NAALADL2: variants seen among roughly 807,000 people sequenced by gnomAD.
NAALADL2 encodes inactive N-acetylated-alpha-linked acidic dipeptidase-like protein 2.
Under a neutral mutation model 87.2 loss-of-function variants are expected in NAALADL2, and 76 were observed. The observed-to-expected ratio is 0.87, with a 90% confidence interval of 0.72 to 1.05. The LOEUF is 1.05. Among genes scored for constraint, NAALADL2 ranks in the 50% least tolerant of loss-of-function variants. The probability of loss-of-function intolerance (pLI) is 0.00; values close to 1 mark genes in which losing one functional copy is unlikely to be tolerated. For missense variants in NAALADL2, 1,089 were observed against 945.8 expected (o/e 1.15, Z -1.99); for synonymous variants, 354 against 331.0 (o/e 1.07, Z -0.75).
chr3:174,916,492 A>G (rs1734412630), intron 1 of NAALADL2, among the ~76,000 whole-genome samples: 1 of 152,160 alleles, frequency 6.6e-6, no homozygotes, highest in African/African-American at 2.4e-5. Context: ...ATGAGTGGAT[A>G]TGGAAAATGT....
intron 3 of NAALADL2, among the ~76,000 whole-genome samples, chr3:174,843,232 G>A (rs966322251): frequency 6.6e-6 from 1 of 151,798 alleles, no homozygotes; most frequent in African/African-American, 2.4e-5. Context: ...TGTACTATCT[G>A]ATCAATCTCT....
chr3:175,057,282 C>A (rs867606405), intron 1 of NAALADL2, among the ~76,000 whole-genome samples: 1 of 152,174 alleles, frequency 6.6e-6, no homozygotes, highest in African/African-American at 2.4e-5. Context: ...ATCAACCTGA[C>A]AAACGTGCCT....
At chr3:175,217,847 T>C (rs1053501252) in intron 2 of NAALADL2, among the ~76,000 whole-genome samples, 3 of 152,152 alleles carry the variant, frequency 2.0e-5, no homozygotes, top group Admixed American at 6.6e-5. Context: ...TTTGTCTTCA[T>C]TGGGGTTTGT....
intron 2 of NAALADL2, among the ~76,000 whole-genome samples, chr3:175,129,249 A>C (rs1009080085): frequency 6.6e-6 from 1 of 152,064 alleles, no homozygotes; most frequent in Non-Finnish European, 1.5e-5. Flanking sequence ...CCTGCCACCA[A>C]AGTCGAATTA....
chr3:175,705,965 AT>A (rs1167923502), intron 11 of NAALADL2, among the ~76,000 whole-genome samples: 5 of 152,158 alleles, frequency 3.3e-5, no homozygotes, highest in African/African-American at 4.8e-5. Flanking sequence ...AGGAAGTAAC[AT>A]GGCATTTTCG....
In NAALADL2 at chr3:174,738,321, C is replaced by T. The variant is rs1320013013; in HGVS notation, c.-9+575C>T. ...AAGGCACAAAATAATAACATAGAAC[C>T]AAGAGCTGAGACATTTGAGCAGAGC... On this transcript the variant is annotated intron_variant, in intron 3 of 3. Transcript: ENST00000434257. Among the ~76,000 whole-genome samples the T allele has an allele frequency of 1.3e-5, 2 of 152,218 alleles. 1 individual carries two copies. The highest frequency in any genetic ancestry group is 2.9e-5 in the Non-Finnish European group (2 of 68,020).
In NAALADL2 at chr3:175,125,344, G is replaced by A. The variant is rs547150515; in HGVS notation, c.545+28053G>A. 1.4e-4 allele frequency among the ~76,000 whole-genome samples: 22 copies of A among 151,960 alleles called. 1 individual carries two copies. In the South Asian group the frequency reaches 4.6e-3, roughly 32 times the overall value. ...AAGCTACTGGAGAATGTTAAGCAAAGGAGTGACATGATCCAAATTAGGTTT... is the reference window on the plus strand; with the variant it reads ...AAGCTACTGGAGAATGTTAAGCAAAAGAGTGACATGATCCAAATTAGGTTT... On this transcript the variant is annotated intron_variant, in intron 2 of 13. Coordinates refer to ENST00000454872, the MANE Select transcript of NAALADL2 (RefSeq NM_207015.3).
At chr3:175,153,219 G>A (rs963454277) in intron 2 of NAALADL2, among the ~76,000 whole-genome samples, 3 of 152,102 alleles carry the variant, frequency 2.0e-5, no homozygotes, top group African/African-American at 7.2e-5. Context: ...ATGGTGTCTA[G>A]CCTTTCCAGC....
chr3:175,695,012 C>T (rs1737553832), intron 11 of NAALADL2, among the ~76,000 whole-genome samples: 2 of 151,366 alleles, frequency 1.3e-5, no homozygotes, highest in Non-Finnish European at 2.9e-5. Context: ...ACTTTCTGTG[C>T]CTTGCATGTT....
At chr3:175,721,321 TAAAG>T (rs1187363318) in intron 11 of NAALADL2, among the ~76,000 whole-genome samples, 5 of 152,026 alleles carry the variant, frequency 3.3e-5, no homozygotes, top group South Asian at 2.1e-4. Flanking sequence ...GAAAAGGAAG[TAAAG>T]AAAGCTCATT....
At chr3:175,252,454 G>A (rs1749224707) in intron 3 of NAALADL2, among the ~76,000 whole-genome samples, 1 of 152,056 alleles carries the variant, frequency 6.6e-6, no homozygotes, top group Non-Finnish European at 1.5e-5. Context: ...AATTCTGACT[G>A]CTGTACCCAC....
At chr3:174,592,856 G>T (rs374584250) in intron 2 of NAALADL2, among the ~76,000 whole-genome samples, 4 of 151,864 alleles carry the variant, frequency 2.6e-5, no homozygotes, top group East Asian at 1.9e-4. Flanking sequence ...TTTAGCAACA[G>T]ATTTGAATTT....
chr3:175,360,977 T>C (rs780957793), intron 5 of NAALADL2, among the ~76,000 whole-genome samples: 9 of 151,960 alleles, frequency 5.9e-5, no homozygotes, highest in Non-Finnish European at 1.3e-4. Flanking sequence ...CATTAACTCA[T>C]CATTTACATC....
At chr3:174,545,429 T>A (rs1192316495) in intron 1 of NAALADL2, among the ~76,000 whole-genome samples, 1 of 152,190 alleles carries the variant, frequency 6.6e-6, no homozygotes, top group East Asian at 1.9e-4. Flanking sequence ...TTTTTTGACT[T>A]CTTACATGCC....
intron 1 of NAALADL2, among the ~76,000 whole-genome samples, chr3:174,524,301 C>T (rs1286553310): frequency 2.0e-5 from 3 of 151,950 alleles, no homozygotes; most frequent in Non-Finnish European, 2.9e-5. Context: ...ATTTATGTAG[C>T]GCATTGGGGA....
intron 3 of NAALADL2, among the ~76,000 whole-genome samples, chr3:174,822,383 T>C (rs894802488): frequency 6.6e-6 from 1 of 152,184 alleles, no homozygotes. Flanking sequence ...TGGAATTTTA[T>C]GGGAAATCAT....
intron 2 of NAALADL2, among the ~76,000 whole-genome samples, chr3:174,651,755 C>G (rs1179910910): frequency 6.6e-6 from 1 of 152,174 alleles, no homozygotes; most frequent in African/African-American, 2.4e-5. Flanking sequence ...ATTCTATTTT[C>G]TAATAACTGC....
intron 5 of NAALADL2, among the ~76,000 whole-genome samples, chr3:175,353,784 A>G (rs1306927006): frequency 2.0e-5 from 3 of 152,200 alleles, no homozygotes; most frequent in African/African-American, 7.2e-5. Context: ...TTCACTCATC[A>G]TATTTTGTCA....
At chr3:175,393,745 G>A (rs773574757) in intron 5 of NAALADL2, among the ~76,000 whole-genome samples, 5 of 152,184 alleles carry the variant, frequency 3.3e-5, no homozygotes, top group Admixed American at 6.5e-5. Flanking sequence ...TGTTATTTAC[G>A]TAACCACAGT....
Sources: allele counts gnomAD v4.1 joint callset (sites outside exome capture counted in the v4.1 genomes callset), GRCh38; gene constraint gnomAD v4.1.1; transcripts MANE v1.5; gene names NCBI Gene and HGNC (gene_info 2026-07-23, HGNC 2026-07-21).